Variants in UBE2R2 observed in about 807,000 individuals in gnomAD.
The protein encoded by UBE2R2 is ubiquitin conjugating enzyme E2 R2, also known as ubiquitin-conjugating enzyme E2 R2.
In UBE2R2, 1 loss-of-function variant was observed where a neutral mutation model predicts 27.8. The observed-to-expected ratio is 0.04, with a 90% CI of 0.01 to 0.17. UBE2R2 has a LOEUF of 0.17. UBE2R2 is among the 10% of genes least tolerant of loss of function. The pLI, the probability that UBE2R2 is intolerant of heterozygous loss-of-function variation, is 1.00. For missense variants in UBE2R2, 100 were observed against 291.0 expected, an observed-to-expected ratio of 0.34 and a Z score of 4.78; for synonymous variants, 106 against 113.3, an observed-to-expected ratio of 0.94 and a Z score of 0.41.
chr9:33,855,007 GATAGT>G (rs1821068771), intron 1 of UBE2R2, among the ~76,000 whole-genome samples: 1 of 57,200 alleles, frequency 1.7e-5, no homozygotes, highest in Non-Finnish European at 3.6e-5. Flanking sequence ...TGATGGGCAT[GATAGT>G]TAATTCATAT....
intron 1 of UBE2R2, among the ~76,000 whole-genome samples, chr9:33,831,999 A>G (rs910466800): frequency 2.0e-5 from 3 of 151,842 alleles, no homozygotes; most frequent in African/African-American, 7.3e-5. Context: ...CATTGAATCA[A>G]CGATAGCAAT....
At chr9:33,881,977 C>T (rs899937175) in intron 1 of UBE2R2, among the ~76,000 whole-genome samples, 1 of 152,194 alleles carries the variant, frequency 6.6e-6, no homozygotes, top group Non-Finnish European at 1.5e-5. Flanking sequence ...AGATTTGACC[C>T]TTCTCCACCA....
chr9:33,835,527 T>C (rs1351541020), intron 1 of UBE2R2, among the ~76,000 whole-genome samples: 1 of 152,148 alleles, frequency 6.6e-6, no homozygotes, highest in African/African-American at 2.4e-5. Flanking sequence ...TTTCAGCCTT[T>C]TCCTTAATAC....
chr9:33,840,348 A>G (rs904480440), intron 1 of UBE2R2, among the ~76,000 whole-genome samples: 1 of 152,156 alleles, frequency 6.6e-6, no homozygotes, highest in African/African-American at 2.4e-5. Flanking sequence ...ATCACCGTGT[A>G]CATTCTTAGA....
intron 1 of UBE2R2, among the ~76,000 whole-genome samples, chr9:33,883,621 C>T (rs943904644): frequency 7.4e-5 from 11 of 148,276 alleles, no homozygotes; most frequent in Admixed American, 2.1e-4. Context: ...GAGGCTGAGG[C>T]AGGAGGATCA....
intron 2 of UBE2R2, among the ~76,000 whole-genome samples, chr9:33,888,330 C>G (rs1422966264): frequency 1.3e-5 from 2 of 152,030 alleles, no homozygotes; most frequent in African/African-American, 4.8e-5. Flanking sequence ...AAAAAAAATT[C>G]TGTAATCTTT....
At chr9:33,852,776 G>A (rs2130755423) in intron 1 of UBE2R2, among the ~76,000 whole-genome samples, 1 of 152,266 alleles carries the variant, frequency 6.6e-6, no homozygotes, top group South Asian at 2.1e-4. Flanking sequence ...GGGAGGCCGA[G>A]GCAGGTGGAT....
At chr9:33,905,154 G>A (rs552058579) in intron 3 of UBE2R2, among the ~76,000 whole-genome samples, 1 of 152,236 alleles carries the variant, frequency 6.6e-6, no homozygotes, top group Non-Finnish European at 1.5e-5. Flanking sequence ...GCTTTATGTT[G>A]AAAGAGGCAT....
intron 3 of UBE2R2, among the ~76,000 whole-genome samples, chr9:33,901,938 G>A (rs1167638872): frequency 2.8e-5 from 4 of 143,274 alleles, no homozygotes; most frequent in African/African-American, 1.1e-4. Context: ...TTTTAAGACA[G>A]GATCTTGCTC....
chr9:33,890,423 T>C (rs10814055), intron 2 of UBE2R2, among the ~76,000 whole-genome samples: 11,990 of 151,716 alleles, frequency 0.079, 683 homozygotes, highest in Non-Finnish European at 0.12. Flanking sequence ...AAACATCAGC[T>C]GGGTGTGGTG....
At chr9:33,908,314 C>T (rs752542909) in intron 3 of UBE2R2, among the ~76,000 whole-genome samples, 28 of 152,134 alleles carry the variant, frequency 1.8e-4, no homozygotes, top group Non-Finnish European at 3.1e-4. Context: ...CAGGTTAGGT[C>T]ACATGCATAT....
rs191699833 is a variant in UBE2R2 at position 33,834,269 on chromosome 9, C to T, written c.177+16335C>T. 6.4e-3 allele frequency among the ~76,000 whole-genome samples: 956 copies of T among 149,592 alleles called. 9 individuals are homozygous for T. Among genetic ancestry groups the T allele is most frequent in the Non-Finnish European group, 9.7e-3 (655 of 67,662 alleles). On this transcript the variant is annotated intron_variant, in intron 1 of 4. Transcript: ENST00000263228. ...AGGCTGGAGTGTGATGGCTCAGTCT[C>T]GGCTCACTGCAACCTCCGTCTCCCG...
At chr9:33,826,629 G>A (rs529491371) in intron 1 of UBE2R2, among the ~76,000 whole-genome samples, 60 of 151,148 alleles carry the variant, frequency 4.0e-4, no homozygotes, top group African/African-American at 1.4e-3. Flanking sequence ...ATCCAGAGGC[G>A]GAGAGGTTGC....
chr9:33,886,139 TCAG>T (rs1300996476), intron 1 of UBE2R2, among the ~76,000 whole-genome samples: 1 of 152,110 alleles, frequency 6.6e-6, no homozygotes, highest in Non-Finnish European at 1.5e-5. Context: ...GTAAGGGAAA[TCAG>T]CAATGTCAGC....
chr9:33,838,422 T>G (rs1820661874), intron 1 of UBE2R2, among the ~76,000 whole-genome samples: 1 of 152,098 alleles, frequency 6.6e-6, no homozygotes, highest in South Asian at 2.1e-4. Flanking sequence ...TTTTCCTGCA[T>G]GGACTGTTTT....
chr9:33,847,823 G>T (rs1386060605), intron 1 of UBE2R2, among the ~76,000 whole-genome samples: 1 of 148,642 alleles, frequency 6.7e-6, no homozygotes, highest in Non-Finnish European at 1.5e-5. Flanking sequence ...CGTGATCTTG[G>T]CTCACTGCAA....
chr9:33,821,354 C>T (rs1266821802), intron 1 of UBE2R2, among the ~76,000 whole-genome samples: 1 of 151,980 alleles, frequency 6.6e-6, no homozygotes, highest in Non-Finnish European at 1.5e-5. Flanking sequence ...GGTAGGGTCT[C>T]ACTATTTTGT....
At chr9:33,859,817 A>C (rs2130765360) in intron 1 of UBE2R2, among the ~76,000 whole-genome samples, 1 of 147,622 alleles carries the variant, frequency 6.8e-6, no homozygotes, top group South Asian at 2.2e-4. Context: ...AGAGAGAGAG[A>C]GAGAGACAGG....
In UBE2R2 at chr9:33,907,836, G is replaced by GTTGT. The variant is rs1554677319; in HGVS notation, c.363-4126_363-4125insGTTT. On this transcript the variant is annotated intron_variant, in intron 3 of 4. Transcript: ENST00000263228. ...TAGTTTTTTGTTTTGTTTTGTTGTT[G>GTTGT]TTTTTTTTTAAGACAGAGTTTCGCT... 3.3e-5 allele frequency among the ~76,000 whole-genome samples: 5 copies of GTTGT among 151,240 alleles called. No individual in the cohort carries two copies. The East Asian group carries it at 9.7e-4, about 29-fold the overall frequency.
Sources: gnomAD v4.1 joint callset for allele counts (sites outside exome capture counted in the v4.1 genomes callset) on GRCh38, gnomAD v4.1.1 for gene constraint, MANE v1.5 for transcripts, NCBI Gene and HGNC (gene_info 2026-07-23, HGNC 2026-07-21) for gene names.